Variants in PCGF3 observed in about 807,000 individuals in gnomAD.
The protein encoded by PCGF3 is polycomb group RING finger protein 3.
PCGF3 carries 7 observed loss-of-function variants against 33.1 expected under a neutral mutation model. The ratio of observed to expected loss-of-function variants is 0.21; its 90% CI spans 0.12 to 0.40. The LOEUF is 0.40. PCGF3 is among the 10% of genes least tolerant of loss of function. PCGF3 has a pLI of 1.00. For synonymous variants in PCGF3, 153 were observed against 121.3 expected (o/e 1.26, Z -1.72); for missense variants, 211 against 313.3 (o/e 0.67, Z 2.46).
chr4:756,458 C>G (rs1282955012), intron 8 of PCGF3, among the ~76,000 whole-genome samples: 1 of 152,152 alleles, frequency 6.6e-6, no homozygotes, highest in East Asian at 1.9e-4. Context: ...AATGATCCAC[C>G]CGCCTCAGCC....
At chr4:738,085 C>T (rs531754717) in intron 6 of PCGF3, among the ~76,000 whole-genome samples, 2 of 152,360 alleles carry the variant, frequency 1.3e-5, no homozygotes, top group Admixed American at 6.5e-5. Context: ...CGCTGGCGAC[C>T]GGCAAGGAGG....
At chr4:756,236 A>G (rs1264031522) in intron 8 of PCGF3, among the ~76,000 whole-genome samples, 8 of 143,518 alleles carry the variant, frequency 5.6e-5, no homozygotes, top group Admixed American at 4.9e-4. Flanking sequence ...TTTGAGATGT[A>G]GTCTTATACT....
At chr4:741,304 T>C (rs1744079180) in intron 6 of PCGF3, among the ~76,000 whole-genome samples, 1 of 152,258 alleles carries the variant, frequency 6.6e-6, no homozygotes, top group Non-Finnish European at 1.5e-5. Context: ...AAGCTTCCAA[T>C]TGGCTGATTC....
At chr4:749,226 A>C (rs1744402919) in intron 8 of PCGF3, among the ~76,000 whole-genome samples, 1 of 151,904 alleles carries the variant, frequency 6.6e-6, no homozygotes, top group Admixed American at 6.6e-5. Flanking sequence ...GTGCAATGGC[A>C]CGATCTCGGC....
exon 11 of PCGF3, chr4:766,091 C>A: frequency 6.2e-7 from 1 of 1,613,276 alleles, no homozygotes; most frequent in African/African-American, 1.3e-5. Flanking sequence ...TGGTGCCACA[C>A]AGCGCCCACA....
rs57690550 is a variant in PCGF3 at position 727,233 on chromosome 4, C to CTTTTTTTTTTTTTTTT, written c.-189-3387_-189-3372dup. 4.2e-4 allele frequency among the ~76,000 whole-genome samples: 26 copies of CTTTTTTTTTTTTTTTT among 61,902 alleles called. 4 individuals are homozygous for CTTTTTTTTTTTTTTTT. Among genetic ancestry groups the CTTTTTTTTTTTTTTTT allele is most frequent in the Non-Finnish European group, 5.8e-4 (20 of 34,634 alleles). The allele number at this position is 61,902 out of a possible 152,430, so 40.6% of individuals were successfully genotyped here. On this transcript the variant is annotated intron_variant, in intron 1 of 10. Transcript: ENST00000362003. The stretch of plus-strand genomic sequence containing the variant: ...AGAGGATGTGTGTGTTAGCGAGCGT[C>CTTTTTTTTTTTTTTTT]TTTTTTTTTTTTTTTTTTTTTTTTT...
intron 1 of PCGF3, among the ~76,000 whole-genome samples, chr4:709,874 C>G (rs756565957): frequency 2.2e-4 from 34 of 152,170 alleles, no homozygotes; most frequent in Non-Finnish European, 4.6e-4. Context: ...CCAGTGTAAC[C>G]GCCAGGGACC....
chr4:753,448 A>G (rs375712478), intron 8 of PCGF3, among the ~76,000 whole-genome samples: 26 of 152,144 alleles, frequency 1.7e-4, no homozygotes, highest in East Asian at 1.3e-3. Context: ...AGGTCAGGAG[A>G]TCAAGACCAT....
Position 721,123 on chromosome 4 carries a change from C to T in PCGF3, c.-189-9507C>T, listed in dbSNP as rs1002920419. On this transcript the variant is annotated intron_variant, in intron 1 of 10. Transcript: ENST00000362003. The surrounding 1 kb of genome is among the most constrained non-coding windows in gnomAD (Gnocchi z 4.1). ...ACCCTGGGGAGGGAACGCTGCTTGT[C>T]GGGCGGTGGTGACGATTTCATGGAT... Among the ~76,000 whole-genome samples, 2 of 151,852 alleles carry T rather than the reference C, an allele frequency of 1.3e-5. No individual in the cohort carries two copies. The highest frequency in any genetic ancestry group is 2.9e-5 in the Non-Finnish European group (2 of 67,948).
At chr4:763,021 G>A (rs1057042428) in intron 9 of PCGF3, among the ~76,000 whole-genome samples, 1 of 152,004 alleles carries the variant, frequency 6.6e-6, no homozygotes, top group African/African-American at 2.4e-5. Context: ...GTCATGGGGG[G>A]CCAATGCCAG....
At chr4:760,452 G>C (rs988372389) in intron 8 of PCGF3, among the ~76,000 whole-genome samples, 2 of 151,976 alleles carry the variant, frequency 1.3e-5, no homozygotes, top group Non-Finnish European at 2.9e-5. Flanking sequence ...GTTAGTTTCC[G>C]TGAGTGTTTT....
In PCGF3 at chr4:734,858, C is replaced by T; in HGVS notation, c.110-73C>T. On this transcript the variant is annotated intron_variant, in intron 4 of 10. Coordinates refer to ENST00000362003, the Ensembl canonical transcript of PCGF3. ...AAACGAGCTCAGAGACGCCCGTGTT[C>T]AGTGGAGCACGCCGATGGGGTGGGC... The T allele has an allele frequency of 7.1e-6, 11 of 1,555,896 alleles. 1 individual carries two copies. The South Asian group carries it at 1.3e-4, about 18-fold the overall frequency.
intron 5 of PCGF3, among the ~76,000 whole-genome samples, chr4:736,781 G>A (rs61600248): frequency 1.4e-5 from 2 of 147,988 alleles, no homozygotes; most frequent in African/African-American, 2.5e-5. Flanking sequence ...TCCCCTGAGC[G>A]CACGGGACGC....
chr4:730,820 T>C (rs943904581), intron 2 of PCGF3, 150 bp from the exon 3 acceptor site: 1 of 391,586 alleles, frequency 2.6e-6, no homozygotes, highest in Non-Finnish European at 4.5e-6. Context: ...CGTGGGTCCT[T>C]AGCTTTTCTC....
chr4:766,081 T>C (rs1291341212), exon 11 of PCGF3: 4 of 1,613,832 alleles, frequency 2.5e-6, no homozygotes, highest in South Asian at 1.1e-5. Flanking sequence ...TTGCTGTGAA[T>C]GGTGCCACAC....
At chr4:742,762 C>G (rs1002601255) in intron 6 of PCGF3, among the ~76,000 whole-genome samples, 1 of 152,210 alleles carries the variant, frequency 6.6e-6, no homozygotes, top group Non-Finnish European at 1.5e-5. Flanking sequence ...GCCGGGCAGT[C>G]TCCTCCCTGG....
At chr4:740,182 C>T (rs924416053) in intron 6 of PCGF3, among the ~76,000 whole-genome samples, 1 of 152,214 alleles carries the variant, frequency 6.6e-6, no homozygotes, top group Non-Finnish European at 1.5e-5. Flanking sequence ...GGCGAGGTGT[C>T]AGCCCTTGAG....
chr4:766,442 G>A, exon 11 of PCGF3: 1 of 185,876 alleles, frequency 5.4e-6, no homozygotes, highest in Non-Finnish European at 1.1e-5. Context: ...TTTAGTTTAT[G>A]AATTTTAGGT....
chr4:734,483 T>C, intron 4 of PCGF3: 1 of 1,246,746 alleles, frequency 8.0e-7, no homozygotes, highest in East Asian at 3.3e-5. Context: ...GATAGAATTT[T>C]GACTTTAACG....
Sources: gnomAD v4.1 joint callset for allele counts (sites outside exome capture counted in the v4.1 genomes callset) on GRCh38, gnomAD v4.1.1 for gene constraint, Gnocchi (gnomAD v3.1) non-coding constraint, MANE v1.5 for transcripts, NCBI Gene and HGNC (gene_info 2026-07-23, HGNC 2026-07-21) for gene names.